ACAD10: variants seen among roughly 807,000 people sequenced by gnomAD.
The protein encoded by ACAD10 is ACAD-10.
In ACAD10, 112 loss-of-function variants were observed where a neutral mutation model predicts 116.8. The ratio of observed to expected loss-of-function variants is 0.96; its 90% confidence interval spans 0.82 to 1.12. The LOEUF (loss-of-function observed/expected upper bound fraction) is 1.12, where lower values mean the gene tolerates loss of function less well. Among genes scored for constraint, ACAD10 ranks in the 50% most tolerant of loss-of-function variants. The pLI, the probability that ACAD10 is intolerant of heterozygous loss-of-function variation, is 0.00. For synonymous variants in ACAD10, 486 were observed against 510.6 expected, an observed-to-expected ratio of 0.95 and a Z score of 0.65; for missense variants, 1,259 against 1,350.2, an observed-to-expected ratio of 0.93 and a Z score of 1.06.
chr12:111,688,247 C>CA (rs983298647), intron 1 of ACAD10: 3 of 152,166 alleles, frequency 2.0e-5, no homozygotes, highest in East Asian at 3.9e-4. Context: ...CTATCATAAA[C>CA]ATTGGCCTTG....
chr12:111,723,761 C>T lies in ACAD10; in HGVS notation c.1061+2022C>T, dbSNP rs982343471. Reference sequence around the variant, plus strand: ...CCTCACTTCCCAGATGGGGTGGCTGCCGGGCAGAGAGGCTCCTCACTTCTC... The same window carrying T: ...CCTCACTTCCCAGATGGGGTGGCTGTCGGGCAGAGAGGCTCCTCACTTCTC... On this transcript the variant is annotated intron_variant, in intron 8 of 20. Coordinates refer to ENST00000313698, the MANE Select transcript of ACAD10 (RefSeq NM_025247.6). Among the ~76,000 whole-genome samples the T allele has an allele frequency of 3.1e-4, 47 of 150,708 alleles. No individual in the cohort carries two copies. In the East Asian group the frequency reaches 8.9e-3, roughly 28 times the overall value.
chr12:111,710,115 G>A, intron 5 of ACAD10: 1 of 283,040 alleles, frequency 3.5e-6, no homozygotes. Context: ...TCTCATACAG[G>A]GTCTTGTTAT....
At chr12:111,739,451 G>A (rs895647707) in intron 12 of ACAD10, among the ~76,000 whole-genome samples, 2 of 152,140 alleles carry the variant, frequency 1.3e-5, no homozygotes, top group African/African-American at 4.8e-5. Context: ...CCTGTAGATT[G>A]AGAGAGACTT....
intron 1 of ACAD10, among the ~76,000 whole-genome samples, chr12:111,686,608 T>G (rs1231461782): frequency 6.6e-6 from 1 of 152,040 alleles, no homozygotes; most frequent in Non-Finnish European, 1.5e-5. Context: ...CCAAGCTACT[T>G]GGGAGGCTGA....
chr12:111,709,506 C>T lies in ACAD10; in HGVS notation c.532-20C>T. The T allele has an allele frequency of 6.6e-7, 1 of 1,526,614 alleles. No individual in the cohort carries two copies. Among genetic ancestry groups the T allele is most frequent in the Admixed American group, 2.3e-5 (1 of 44,338 alleles). The allele number at this position is 1,526,614 out of a possible 1,614,324, so 94.6% of individuals were successfully genotyped here. A position where few individuals can be genotyped will look rare whatever the true frequency, so the allele number is the denominator to read the frequency against. On this transcript the variant is annotated intron_variant, in intron 4 of 20. Coordinates refer to ENST00000313698, the MANE Select transcript of ACAD10 (RefSeq NM_025247.6). ...TCCACCTTTCGGGACATTCATCTCT[C>T]ATTCCTGTCCCTCCATCAGATTGTG...
intron 18 of ACAD10, among the ~76,000 whole-genome samples, chr12:111,750,105 T>G (rs1302691980): frequency 1.4e-5 from 2 of 147,312 alleles, no homozygotes; most frequent in Non-Finnish European, 3.0e-5. Context: ...GTTTTTTTTT[T>G]TTTTGAGACG....
chr12:111,729,123 A>G (rs78705199), intron 9 of ACAD10, among the ~76,000 whole-genome samples: 2,384 of 152,344 alleles, frequency 0.016, 72 homozygotes, highest in African/African-American at 0.054. Flanking sequence ...TCACAGAGCT[A>G]GAGAACAACA....
rs747398792 is a variant in ACAD10, at chr12:111,746,259, TG to T, written c.2234del (p.Gly745AlafsTer24). ...NVEYAHLCEL[M>X]GTSLYAPEVC... ...GAATATGCACATCTGTGTGAGCTCA[TG>T]GGCACGTCCCTGTATGCCCCCGAGG... On this transcript the variant is annotated frameshift_variant, in exon 14 of 21. Coordinates refer to ENST00000313698, the MANE Select transcript of ACAD10 (RefSeq NM_025247.6). LOFTEE classifies it high-confidence loss of function. 6.2e-7 allele frequency: 1 copy of T among 1,613,588 alleles called. No individual in the cohort carries two copies. Among genetic ancestry groups the T allele is most frequent in the Non-Finnish European group, 8.5e-7 (1 of 1,179,848 alleles).
chr12:111,692,966 G>A, intron 2 of ACAD10, 70 bp downstream of exon 2: 1 of 1,545,388 alleles, frequency 6.5e-7, no homozygotes, highest in Non-Finnish European at 8.8e-7. Context: ...TGATCGGGAA[G>A]GCAGAGGGGA....
chr12:111,719,311 T>C (rs540693418), intron 7 of ACAD10, among the ~76,000 whole-genome samples: 1 of 152,280 alleles, frequency 6.6e-6, no homozygotes, highest in East Asian at 1.9e-4. Context: ...CGTAGTGCAG[T>C]GGTGCGATCT....
intron 12 of ACAD10, 31 bp downstream of exon 12, chr12:111,737,035 G>A: frequency 6.2e-7 from 1 of 1,607,200 alleles, no homozygotes; most frequent in Non-Finnish European, 8.5e-7. Flanking sequence ...AAGAGCCACT[G>A]CGGGGTGAGT....
chr12:111,748,466 G>C lies in ACAD10; in HGVS notation c.2635G>C (p.Asp879His). Residue 879 changes from aspartate to histidine, a missense_variant, in exon 17 of 21, where the codon GAT (aspartate) becomes CAT (histidine). Coordinates refer to ENST00000313698, the MANE Select transcript of ACAD10 (RefSeq NM_025247.6). ...IRPLTVYGLE[D>H]APGGHGEVRF... The stretch of plus-strand genomic sequence containing the variant: ...GCCTCTGACGGTGTATGGACTGGAA[G>C]ATGCACCAGGTGAGACCTCCAGGGG... 6.2e-7 allele frequency: 1 copy of C among 1,613,348 alleles called. No homozygotes were observed. Among genetic ancestry groups the C allele is most frequent in the Non-Finnish European group, 8.5e-7 (1 of 1,180,028 alleles).
At chr12:111,717,479 G>A (rs1007512640) in intron 7 of ACAD10, among the ~76,000 whole-genome samples, 1 of 151,762 alleles carries the variant, frequency 6.6e-6, no homozygotes, top group African/African-American at 2.4e-5. Flanking sequence ...TGTTATTGCA[G>A]CTAATAAAAG....
rs1177532314 is a variant in ACAD10 at position 111,756,721 on chromosome 12, C to T, written c.*248C>T. The stretch of plus-strand genomic sequence containing the variant: ...GGCCAAGGGGGTTCTGGGACAGAGT[C>T]TGGAAAGCTGGTCTTCAGGCTCTCA... On this transcript the variant is annotated 3_prime_UTR_variant, in exon 21 of 21. Coordinates refer to ENST00000313698, the MANE Select transcript of ACAD10 (RefSeq NM_025247.6). The T allele has an allele frequency of 1.4e-4, 93 of 675,656 alleles. No individual in the cohort carries two copies. The East Asian group carries it at 2.9e-3, about 21-fold the overall frequency. 41.9% of individuals were successfully genotyped at this position (675,656 alleles called of 1,614,324 possible). A position where few individuals can be genotyped will look rare whatever the true frequency, so the allele number is the denominator to read the frequency against.
chr12:111,694,739 C>T lies in ACAD10; in HGVS notation c.187+1843C>T, dbSNP rs77545951. On this transcript the variant is annotated intron_variant, in intron 2 of 20. Coordinates refer to ENST00000313698, the MANE Select transcript of ACAD10 (RefSeq NM_025247.6). ...GAATTAACCTTTCTAAAACATGGAT[C>T]GTGCTTCTGCGCTTAGCAGCTCACA... Among the ~76,000 whole-genome samples, 94 of 152,272 alleles carry T rather than the reference C, an allele frequency of 6.2e-4. 1 individual carries two copies. Among genetic ancestry groups the T allele is most frequent in the African/African-American group, 2.2e-3 (90 of 41,560 alleles).
intron 2 of ACAD10, among the ~76,000 whole-genome samples, chr12:111,699,861 A>G (rs1406275516): frequency 1.3e-5 from 2 of 152,202 alleles, no homozygotes; most frequent in African/African-American, 2.4e-5. Flanking sequence ...TTGAGGCTGC[A>G]GTGGGCCATG....
At chr12:111,719,512 G>C (rs1402226190) in intron 7 of ACAD10, among the ~76,000 whole-genome samples, 1 of 151,130 alleles carries the variant, frequency 6.6e-6, no homozygotes. Flanking sequence ...TCGGCCTCCC[G>C]GAGTGCTGGG....
intron 11 of ACAD10, 69 bp from the exon 12 acceptor site, chr12:111,736,762 A>G: frequency 6.6e-7 from 1 of 1,505,440 alleles, no homozygotes; most frequent in East Asian, 2.3e-5. Context: ...TTCAGAATTT[A>G]AATATTTGCC....
intron 1 of ACAD10, among the ~76,000 whole-genome samples, chr12:111,686,832 C>T (rs1039427555): frequency 1.3e-5 from 2 of 152,164 alleles, no homozygotes; most frequent in African/African-American, 4.8e-5. Flanking sequence ...GTCTAGACAC[C>T]CTTGGGATGC....
Sources: allele counts gnomAD v4.1 joint callset (sites outside exome capture counted in the v4.1 genomes callset), GRCh38; gene constraint gnomAD v4.1.1; transcripts MANE v1.5; gene names NCBI Gene and HGNC (gene_info 2026-07-23, HGNC 2026-07-21).